ARHGAP15: variants seen among roughly 807,000 people sequenced by gnomAD.
The protein encoded by ARHGAP15 is Rho GTPase activating protein 15, also known as rho GTPase-activating protein 15.
ARHGAP15 carries 51 observed loss-of-function variants against 63.7 expected under a neutral mutation model. The ratio of observed to expected loss-of-function variants is 0.80; its 90% CI spans 0.64 to 1.01. The LOEUF (loss-of-function observed/expected upper bound fraction) is 1.01, where lower values mean the gene tolerates loss of function less well. ARHGAP15 is among the 50% of genes least tolerant of loss of function. The pLI, the probability that ARHGAP15 is intolerant of heterozygous loss-of-function variation, is 0.00. For synonymous variants in ARHGAP15, 191 were observed against 193.8 expected (o/e 0.99, Z 0.12); for missense variants, 560 against 564.6 (o/e 0.99, Z 0.08).
Position 143,430,530 on chromosome 2 carries a change from T to G in ARHGAP15, c.475-5071T>G, listed in dbSNP as rs1054019478. Among the ~76,000 whole-genome samples, 7 of 151,984 alleles carry G rather than the reference T, an allele frequency of 4.6e-5. No individual in the cohort carries two copies. In the East Asian group the frequency reaches 1.4e-3, roughly 29 times the overall value. On this transcript the variant is annotated intron_variant, in intron 6 of 13. Coordinates refer to ENST00000295095, the MANE Select transcript of ARHGAP15 (RefSeq NM_018460.4). ...CAGCTATATGTGGAGTGATGCAAGATGAAAAAAATGTGAATCTGTGTGGGT... is the reference window on the plus strand; with the variant it reads ...CAGCTATATGTGGAGTGATGCAAGAGGAAAAAAATGTGAATCTGTGTGGGT...
At chr2:143,468,663 A>T (rs4435394) in intron 8 of ARHGAP15, among the ~76,000 whole-genome samples, 131,327 of 138,392 alleles carry the variant, frequency 0.95, 62,509 homozygotes, top group Non-Finnish European at 0.99. Flanking sequence ...AGAGAGAGAG[A>T]GTGTGTGTGT....
At chr2:143,604,105 T>C (rs906612562) in intron 11 of ARHGAP15, among the ~76,000 whole-genome samples, 2 of 152,210 alleles carry the variant, frequency 1.3e-5, no homozygotes, top group East Asian at 1.9e-4. Flanking sequence ...GCTTATAAGA[T>C]TTAACATTTA....
chr2:143,352,058 C>T (rs914171024), intron 6 of ARHGAP15, among the ~76,000 whole-genome samples: 6 of 152,142 alleles, frequency 3.9e-5, no homozygotes, highest in Admixed American at 6.5e-5. Context: ...CCCTGAATAA[C>T]CTTTATTGTC....
At chr2:143,350,195 T>C (rs538715363) in intron 6 of ARHGAP15, among the ~76,000 whole-genome samples, 1 of 152,278 alleles carries the variant, frequency 6.6e-6, no homozygotes, top group African/African-American at 2.4e-5. Flanking sequence ...TATTCATGTT[T>C]ATAATTAGTT....
intron 12 of ARHGAP15, among the ~76,000 whole-genome samples, chr2:143,686,119 T>TGAA (rs570950724): frequency 5.1e-4 from 78 of 151,956 alleles, no homozygotes; most frequent in African/African-American, 1.8e-3. Context: ...TGTAGAAAAA[T>TGAA]GAAAGAGGGC....
At chr2:143,159,822 T>C (rs1690221444) in intron 2 of ARHGAP15, among the ~76,000 whole-genome samples, 1 of 151,934 alleles carries the variant, frequency 6.6e-6, no homozygotes, top group South Asian at 2.1e-4. Context: ...ATTTCTAAAA[T>C]TGTTTTTAGT....
At chr2:143,732,520 G>C (rs1685579204) in intron 13 of ARHGAP15, among the ~76,000 whole-genome samples, 1 of 152,134 alleles carries the variant, frequency 6.6e-6, no homozygotes, top group African/African-American at 2.4e-5. Flanking sequence ...AACGTTTACT[G>C]ACAGGGTAGA....
intron 13 of ARHGAP15, among the ~76,000 whole-genome samples, chr2:143,760,935 T>C (rs1479699992): frequency 6.6e-6 from 1 of 152,140 alleles, no homozygotes; most frequent in Non-Finnish European, 1.5e-5. Context: ...GAATTATCTT[T>C]GAGTGACCAC....
rs78930906 is a variant in ARHGAP15 at position 143,227,111 on chromosome 2, A to T, written c.297-1470A>T. Among the ~76,000 whole-genome samples the T allele has an allele frequency of 8.6e-3, 1,315 of 152,346 alleles. 25 individuals carry two copies. Among genetic ancestry groups the T allele is most frequent in the African/African-American group, 0.03 (1,247 of 41,584 alleles). ...GAAGCAAACTGCAGCAATATGCTCT[A>T]ATGGGTAGAAACTTATGTATATTAA... On this transcript the variant is annotated intron_variant, in intron 4 of 13. Transcript: ENST00000295095.
chr2:143,633,283 G>T (rs1003570117), intron 12 of ARHGAP15, among the ~76,000 whole-genome samples: 3 of 152,114 alleles, frequency 2.0e-5, no homozygotes, highest in African/African-American at 7.2e-5. Flanking sequence ...TAATGAAATT[G>T]AAGAAAAATA....
At chr2:143,618,057 A>C (rs929766918) in intron 11 of ARHGAP15, among the ~76,000 whole-genome samples, 2 of 152,202 alleles carry the variant, frequency 1.3e-5, no homozygotes, top group Non-Finnish European at 2.9e-5. Context: ...TAGCCAGTGC[A>C]GCACAGAAAG....
At chr2:143,438,814 G>A (rs1355869702) in intron 8 of ARHGAP15, among the ~76,000 whole-genome samples, 1 of 152,072 alleles carries the variant, frequency 6.6e-6, no homozygotes, top group Non-Finnish European at 1.5e-5. Context: ...TAATCATATA[G>A]ACATTCTGTA....
chr2:143,462,680 C>T (rs1022293603), intron 8 of ARHGAP15, among the ~76,000 whole-genome samples: 2 of 152,174 alleles, frequency 1.3e-5, no homozygotes, highest in Admixed American at 1.3e-4. Context: ...AACCAACCTA[C>T]TTTTACAAAA....
chr2:143,434,679 G>A (rs1689531369), intron 6 of ARHGAP15, among the ~76,000 whole-genome samples: 1 of 152,090 alleles, frequency 6.6e-6, no homozygotes, highest in African/African-American at 2.4e-5. Flanking sequence ...GTTGGGAAAT[G>A]TTCATCTTCC....
chr2:143,491,957 C>G (rs1692599790), intron 9 of ARHGAP15, among the ~76,000 whole-genome samples: 1 of 152,128 alleles, frequency 6.6e-6, no homozygotes, highest in Non-Finnish European at 1.5e-5. Flanking sequence ...TCTCAGCTCA[C>G]TGCAACTCCT....
chr2:143,142,538 A>C (rs577716230), intron 1 of ARHGAP15, among the ~76,000 whole-genome samples: 68 of 152,232 alleles, frequency 4.5e-4, no homozygotes, highest in Non-Finnish European at 7.5e-4. Flanking sequence ...GTTTAACTTG[A>C]CTAAGTCATA....
chr2:143,300,338 T>TAA (rs1222309552), intron 6 of ARHGAP15, among the ~76,000 whole-genome samples: 1 of 152,000 alleles, frequency 6.6e-6, no homozygotes, highest in Non-Finnish European at 1.5e-5. Flanking sequence ...ATACTATATA[T>TAA]AATCATAATT....
At chr2:143,311,203 C>A (rs916694394) in intron 6 of ARHGAP15, among the ~76,000 whole-genome samples, 2 of 151,854 alleles carry the variant, frequency 1.3e-5, no homozygotes, top group Admixed American at 1.3e-4. Context: ...CAGGAATCAC[C>A]CACCAGTAAA....
intron 13 of ARHGAP15, chr2:143,706,691 C>G (rs1179700064): frequency 6.6e-6 from 1 of 152,108 alleles, no homozygotes; most frequent in Non-Finnish European, 1.5e-5. Context: ...GTCTCAGAGT[C>G]CAGAGTCTTC....
Sources: allele counts gnomAD v4.1 joint callset (sites outside exome capture counted in the v4.1 genomes callset), GRCh38; gene constraint gnomAD v4.1.1; transcripts MANE v1.5; gene names NCBI Gene and HGNC (gene_info 2026-07-23, HGNC 2026-07-21).